RCAN1: variants seen among roughly 807,000 people sequenced by gnomAD.
The protein encoded by RCAN1 is regulator of calcineurin 1.
In RCAN1, 11 loss-of-function variants were observed where a neutral mutation model predicts 22.9. The ratio of observed to expected loss-of-function variants is 0.48; its 90% CI spans 0.30 to 0.79. RCAN1 has a LOEUF of 0.79. RCAN1 is among the 30% of genes least tolerant of loss of function. The pLI is 0.06. For synonymous variants in RCAN1, 136 were observed against 142.3 expected, an observed-to-expected ratio of 0.96 and a Z score of 0.32; for missense variants, 291 against 337.8, an observed-to-expected ratio of 0.86 and a Z score of 1.09.
At chr21:34,535,215 T>A (rs1279031948) in intron 1 of RCAN1, among the ~76,000 whole-genome samples, 1 of 152,220 alleles carries the variant, frequency 6.6e-6, no homozygotes, top group African/African-American at 2.4e-5. Context: ...GGCTTTTTCA[T>A]GATAAGCAAG....
chr21:34,606,647 C>T (rs190794863), intron 1 of RCAN1, among the ~76,000 whole-genome samples: 5 of 152,232 alleles, frequency 3.3e-5, no homozygotes, highest in African/African-American at 4.8e-5. Flanking sequence ...GAGATGAGGC[C>T]TCTAAGGAAG....
intron 1 of RCAN1, among the ~76,000 whole-genome samples, chr21:34,546,373 GTT>G (rs71194897): frequency 6.5e-5 from 9 of 137,820 alleles, no homozygotes; most frequent in African/African-American, 1.9e-4. Flanking sequence ...TTACTTATTA[GTT>G]TTTTTTTTTT....
chr21:34,573,300 C>G (rs76967393), intron 1 of RCAN1, among the ~76,000 whole-genome samples: 2,033 of 152,240 alleles, frequency 0.013, 47 homozygotes, highest in East Asian at 0.093. Flanking sequence ...GAGACACAGA[C>G]AGACTAAGTC....
intron 1 of RCAN1, among the ~76,000 whole-genome samples, chr21:34,611,712 T>C (rs1988692307): frequency 6.6e-6 from 1 of 152,142 alleles, no homozygotes. Flanking sequence ...CTAAAGTAGA[T>C]TTACATTTAC....
At chr21:34,563,794 T>TATATATAGAGAG (rs765741781) in intron 1 of RCAN1, among the ~76,000 whole-genome samples, 3 of 48,724 alleles carry the variant, frequency 6.2e-5, no homozygotes, top group African/African-American at 2.5e-4. Context: ...TATATATATA[T>TATATATAGAGAG]AGAGAGAGAG....
intron 3 of RCAN1, 63 bp downstream of exon 3, chr21:34,521,436 C>T (rs1452702402): frequency 2.5e-6 from 4 of 1,611,262 alleles, no homozygotes; most frequent in Non-Finnish European, 1.7e-6. Context: ...TGGTACTGCT[C>T]CCTGGTGCAG....
intron 1 of RCAN1, among the ~76,000 whole-genome samples, chr21:34,593,610 G>A (rs1025050864): frequency 1.3e-5 from 2 of 152,146 alleles, no homozygotes; most frequent in African/African-American, 2.4e-5. Flanking sequence ...AGCCTGGCTC[G>A]GAACACCTGT....
chr21:34,560,032 A>G lies in RCAN1; in HGVS notation c.253-36322T>C, dbSNP rs1339545302. 3 of 152,200 alleles carry G rather than the reference A, an allele frequency of 2.0e-5. No individual in the cohort carries two copies. The East Asian group carries it at 5.8e-4, about 29-fold the overall frequency. The allele number at this position is 152,200 out of a possible 1,614,324, so 9.4% of individuals were successfully genotyped here. ...AGCTCATGCAGATCTCAGGCTCTGA[A>G]CTGAGAAAATGTTCAGACCATTAAA... On this transcript the variant is annotated intron_variant, in intron 1 of 3. Coordinates refer to ENST00000313806, the MANE Select transcript of RCAN1 (RefSeq NM_004414.7).
At chr21:34,533,916 T>C (rs9974483) in intron 1 of RCAN1, among the ~76,000 whole-genome samples, 55,485 of 152,002 alleles carry the variant, frequency 0.37, 11,264 homozygotes, top group African/African-American at 0.56. Context: ...GAATCTGGCA[T>C]GCTGCAAGCC....
intron 1 of RCAN1, among the ~76,000 whole-genome samples, chr21:34,584,069 T>C (rs1418861220): frequency 6.6e-6 from 1 of 152,254 alleles, no homozygotes; most frequent in East Asian, 1.9e-4. Flanking sequence ...TTCCTGCTCC[T>C]ACTTGGATTC....
At chr21:34,601,146 G>A (rs1988326443) in intron 1 of RCAN1, among the ~76,000 whole-genome samples, 1 of 152,152 alleles carries the variant, frequency 6.6e-6, no homozygotes, top group African/African-American at 2.4e-5. Context: ...TATTTATTAA[G>A]TGCCTACTAT....
At position 34,518,340 on chromosome 21, in the gene RCAN1, G is replaced by C. The variant is rs1984205241; in HGVS notation, c.587-84C>G. The C allele has an allele frequency of 7.2e-7, 1 of 1,395,380 alleles. No homozygotes were observed. Among genetic ancestry groups the C allele is most frequent in the Non-Finnish European group, 9.8e-7 (1 of 1,021,604 alleles). The allele number at this position is 1,395,380 out of a possible 1,614,324, so 86.4% of individuals were successfully genotyped here. A position where few individuals can be genotyped will look rare whatever the true frequency, so the allele number is the denominator to read the frequency against. ...AACATAAAAGAGCATTCAGGGCTCT[G>C]CTGGGCCAGCTGCTCGTGACCATTC... On this transcript the variant is annotated intron_variant, in intron 3 of 3. Transcript: ENST00000313806. The surrounding 1 kb of genome is among the most constrained non-coding windows in gnomAD (Gnocchi z 4.2).
intron 1 of RCAN1, among the ~76,000 whole-genome samples, chr21:34,578,203 C>T (rs534619964): frequency 2.6e-5 from 4 of 152,136 alleles, no homozygotes; most frequent in Admixed American, 6.5e-5. Flanking sequence ...CCTTGACCCT[C>T]GTATCTCTGA....
chr21:34,526,764 G>C (rs536647839), intron 1 of RCAN1: 175 of 1,607,976 alleles, frequency 1.1e-4, no homozygotes, highest in Non-Finnish European at 1.4e-4. Flanking sequence ...CTTTCTTACA[G>C]TGAAAGCGCT....
chr21:34,609,448 T>C (rs1430448381), intron 1 of RCAN1, among the ~76,000 whole-genome samples: 5 of 152,226 alleles, frequency 3.3e-5, no homozygotes, highest in Non-Finnish European at 7.3e-5. Flanking sequence ...ACTATTACTG[T>C]ACCAGGAGTG....
rs1984154299 is a variant in RCAN1 at position 34,517,840 on chromosome 21, C to T, written c.*244G>A. The T allele has an allele frequency of 1.4e-5, 8 of 557,358 alleles. No homozygotes were observed. Among genetic ancestry groups the T allele is most frequent in the Admixed American group, 3.2e-5 (1 of 31,442 alleles). The allele number at this position is 557,358 out of a possible 1,614,324, so 34.5% of individuals were successfully genotyped here. A position where few individuals can be genotyped will look rare whatever the true frequency, so the allele number is the denominator to read the frequency against. The stretch of plus-strand genomic sequence containing the variant: ...GTTTTCTCAAGACAGTCCCAAATGT[C>T]CTTGTGCGATCACCACAAACTCAGT... On this transcript the variant is annotated 3_prime_UTR_variant, in exon 4 of 4. Coordinates refer to ENST00000313806, the MANE Select transcript of RCAN1 (RefSeq NM_004414.7).
intron 1 of RCAN1, among the ~76,000 whole-genome samples, chr21:34,613,135 C>T (rs1363837892): frequency 6.6e-6 from 1 of 152,172 alleles, no homozygotes; most frequent in Non-Finnish European, 1.5e-5. Context: ...CCTGAATGAA[C>T]CAATGCTACA....
intron 1 of RCAN1, among the ~76,000 whole-genome samples, chr21:34,576,112 C>A (rs1299170279): frequency 6.6e-6 from 1 of 152,194 alleles, no homozygotes; most frequent in Non-Finnish European, 1.5e-5. Flanking sequence ...TCATACCCAA[C>A]AGCTCAACAA....
chr21:34,574,769 G>A (rs1472114434), intron 1 of RCAN1, among the ~76,000 whole-genome samples: 1 of 152,336 alleles, frequency 6.6e-6, no homozygotes, highest in Admixed American at 6.5e-5. Flanking sequence ...GTCTGCTTCC[G>A]CGGCTGAGCA....
Sources: gnomAD v4.1 joint callset for allele counts (sites outside exome capture counted in the v4.1 genomes callset) on GRCh38, gnomAD v4.1.1 for gene constraint, Gnocchi (gnomAD v3.1) non-coding constraint, MANE v1.5 for transcripts, NCBI Gene and HGNC (gene_info 2026-07-23, HGNC 2026-07-21) for gene names.